Variants in ROBO1 observed in about 807,000 individuals in gnomAD.
ROBO1 encodes the protein roundabout guidance receptor 1.
Under a neutral mutation model 195.9 loss-of-function variants are expected in ROBO1, and 149 were observed. That is an observed-to-expected ratio of 0.76 (90% CI 0.67 to 0.87). The LOEUF (loss-of-function observed/expected upper bound fraction) is 0.87, where lower values mean the gene tolerates loss of function less well. ROBO1 is among the 40% of genes least tolerant of loss of function. The probability of loss-of-function intolerance (pLI) is 0.00; values close to 1 mark genes in which losing one functional copy is unlikely to be tolerated. For synonymous variants in ROBO1, 816 were observed against 733.2 expected (o/e 1.11, Z -1.82); for missense variants, 1,933 against 2,068.3 (o/e 0.93, Z 1.27).
At chr3:79,541,430 T>A (rs532660795) in intron 2 of ROBO1, among the ~76,000 whole-genome samples, 1 of 152,064 alleles carries the variant, frequency 6.6e-6, no homozygotes, top group East Asian at 1.9e-4. Flanking sequence ...GGGACAGAAA[T>A]TCAGAGGGAT....
At chr3:78,802,134 T>C (rs762788791) in intron 4 of ROBO1, among the ~76,000 whole-genome samples, 5 of 152,152 alleles carry the variant, frequency 3.3e-5, no homozygotes, top group Non-Finnish European at 7.4e-5. Context: ...AGAAGAGATT[T>C]TGCATGAGAA....
chr3:79,173,021 G>A (rs943971385), intron 2 of ROBO1, among the ~76,000 whole-genome samples: 11 of 152,108 alleles, frequency 7.2e-5, no homozygotes, highest in African/African-American at 2.7e-4. Flanking sequence ...CTATAACACT[G>A]AAGGCTCTTT....
At chr3:78,867,327 T>C (rs1576315427) in intron 4 of ROBO1, among the ~76,000 whole-genome samples, 1 of 152,268 alleles carries the variant, frequency 6.6e-6, no homozygotes, top group African/African-American at 2.4e-5. Context: ...TTCATTCTCA[T>C]GGGATAAGAG....
intron 2 of ROBO1, among the ~76,000 whole-genome samples, chr3:79,396,847 G>T (rs983319939): frequency 1.3e-5 from 2 of 152,132 alleles, no homozygotes; most frequent in Admixed American, 6.5e-5. Flanking sequence ...TTGACAGGTT[G>T]ATTTTGGCTT....
intron 1 of ROBO1, among the ~76,000 whole-genome samples, chr3:79,692,619 A>G (rs1947329033): frequency 6.6e-6 from 1 of 151,870 alleles, no homozygotes; most frequent in South Asian, 2.1e-4. Flanking sequence ...AAAAAAGTCC[A>G]CGGCATAGAA....
intron 2 of ROBO1, among the ~76,000 whole-genome samples, chr3:79,260,363 A>C (rs955201989): frequency 1.3e-5 from 2 of 152,040 alleles, no homozygotes; most frequent in African/African-American, 4.8e-5. Context: ...TTTTTAATGT[A>C]TTCTAAATAG....
chr3:78,920,626 T>C (rs13063576), intron 4 of ROBO1, among the ~76,000 whole-genome samples: 1 of 120,392 alleles, frequency 8.3e-6, no homozygotes, highest in African/African-American at 3.8e-5. Context: ...TTCTTTCAGT[T>C]TTTTTTTTTT....
intron 5 of ROBO1, among the ~76,000 whole-genome samples, chr3:78,723,294 A>C (rs1328420511): frequency 6.6e-6 from 1 of 152,168 alleles, no homozygotes; most frequent in Non-Finnish European, 1.5e-5. Flanking sequence ...GCGGCCTAGG[A>C]GGAACTGGCT....
At chr3:78,637,845 A>G (rs1705618970) in intron 22 of ROBO1, among the ~76,000 whole-genome samples, 1 of 152,236 alleles carries the variant, frequency 6.6e-6, no homozygotes, top group South Asian at 2.1e-4. Context: ...TTTGTTCTTT[A>G]TAGTGCATAG....
chr3:78,992,946 C>T (rs572667785), intron 3 of ROBO1, among the ~76,000 whole-genome samples: 2 of 152,192 alleles, frequency 1.3e-5, no homozygotes, highest in South Asian at 2.1e-4. Flanking sequence ...CCAAGATTTT[C>T]GTAGGAGATG....
intron 4 of ROBO1, among the ~76,000 whole-genome samples, chr3:78,771,739 TA>T (rs1281351009): frequency 6.6e-6 from 1 of 152,170 alleles, no homozygotes; most frequent in Non-Finnish European, 1.5e-5. Flanking sequence ...AAAATGATTT[TA>T]TATCCTGAAA....
intron 2 of ROBO1, among the ~76,000 whole-genome samples, chr3:79,438,195 A>G (rs2038946987): frequency 6.6e-6 from 1 of 151,944 alleles, no homozygotes; most frequent in East Asian, 1.9e-4. Flanking sequence ...TGAATTTATA[A>G]TAATTTAAAT....
intron 10 of ROBO1, among the ~76,000 whole-genome samples, 175 bp downstream of exon 10, chr3:78,685,571 T>C (rs1191751344): frequency 6.6e-6 from 1 of 152,214 alleles, no homozygotes; most frequent in Admixed American, 6.5e-5. Context: ...AAATTTATAA[T>C]ACATTTAGGT....
intron 3 of ROBO1, among the ~76,000 whole-genome samples, chr3:79,076,485 T>C (rs1464815779): frequency 6.6e-6 from 1 of 151,508 alleles, no homozygotes; most frequent in Non-Finnish European, 1.5e-5. Context: ...TGAAATACTG[T>C]AAGTCGGTAA....
At chr3:79,604,641 T>C (rs1944430230) in intron 1 of ROBO1, among the ~76,000 whole-genome samples, 1 of 152,002 alleles carries the variant, frequency 6.6e-6, no homozygotes, top group Admixed American at 6.6e-5. Context: ...TGTGGGTGGG[T>C]GCCCAATTCC....
intron 2 of ROBO1, among the ~76,000 whole-genome samples, chr3:79,410,744 G>C (rs2037735324): frequency 6.6e-6 from 1 of 152,214 alleles, no homozygotes; most frequent in East Asian, 1.9e-4. Flanking sequence ...TAAAGGTCCA[G>C]TAATAATTTG....
chr3:79,313,288 A>G (rs978289238), intron 2 of ROBO1, among the ~76,000 whole-genome samples: 1 of 152,156 alleles, frequency 6.6e-6, no homozygotes, highest in African/African-American at 2.4e-5. Flanking sequence ...ATATTGGCAG[A>G]AAAAGATCCC....
chr3:79,619,081 T>C (rs1368955795), intron 1 of ROBO1, among the ~76,000 whole-genome samples: 3 of 152,068 alleles, frequency 2.0e-5, no homozygotes, highest in African/African-American at 7.2e-5. Context: ...TTCACCCACA[T>C]TCCACTGGTG....
intron 2 of ROBO1, among the ~76,000 whole-genome samples, chr3:79,554,196 A>G (rs954264735): frequency 3.9e-5 from 6 of 152,014 alleles, no homozygotes; most frequent in African/African-American, 9.7e-5. Context: ...TATCCCTTAT[A>G]TATGTATTAG....
Sources: gnomAD v4.1 joint callset for allele counts (sites outside exome capture counted in the v4.1 genomes callset) on GRCh38, gnomAD v4.1.1 for gene constraint, MANE v1.5 for transcripts, NCBI Gene and HGNC (gene_info 2026-07-23, HGNC 2026-07-21) for gene names.